The following NBAS variants were observed in gnomAD, a reference collection of about 807,000 sequenced individuals.
NBAS encodes the protein NAG/BC035112 fusion.
In NBAS, 219 loss-of-function variants were observed where a neutral mutation model predicts 302.5. The observed-to-expected ratio is 0.72, with a 90% CI of 0.65 to 0.81. The LOEUF (loss-of-function observed/expected upper bound fraction) is 0.81. NBAS is among the 30% of genes least tolerant of loss of function. The probability of loss-of-function intolerance (pLI) is 0.00; values close to 1 mark genes in which losing one functional copy is unlikely to be tolerated. For missense variants in NBAS, 2,932 were observed against 2,841.6 expected (o/e 1.03, Z -0.72); for synonymous variants, 1,118 against 1,021.6 (o/e 1.09, Z -1.80).
At chr2:14,951,681 G>A in the NBAS span, among the ~76,000 whole-genome samples, 1 of 152,158 alleles carries the variant, frequency 6.6e-6, no homozygotes, top group African/African-American at 2.4e-5. Flanking sequence ...AATACTGCCT[G>A]TACTTTAGAC....
intron 30 of NBAS, among the ~76,000 whole-genome samples, chr2:15,379,196 C>CTCT (rs1674903607): frequency 6.8e-6 from 1 of 146,364 alleles, no homozygotes; most frequent in Non-Finnish European, 1.5e-5. Flanking sequence ...GTCTCTCTCT[C>CTCT]TTTTTTTTTT....
intron 23 of NBAS, among the ~76,000 whole-genome samples, chr2:15,421,793 C>T (rs1177577100): frequency 1.3e-5 from 2 of 152,144 alleles, no homozygotes; most frequent in East Asian, 3.9e-4. Context: ...ATTAAAGTTT[C>T]AGAAAGCTCT....
intron 1 of NBAS, among the ~76,000 whole-genome samples, chr2:15,560,502 G>C (rs1009696966): frequency 6.6e-6 from 1 of 152,014 alleles, no homozygotes; most frequent in Admixed American, 6.6e-5. Context: ...ACGTTTACGG[G>C]ACTGTCTCCC....
chr2:15,028,273 G>A, the NBAS span, among the ~76,000 whole-genome samples: 1 of 152,188 alleles, frequency 6.6e-6, no homozygotes, highest in African/African-American at 2.4e-5. Flanking sequence ...GTCTGGGTAA[G>A]TTAGTGGAAA....
At chr2:15,257,680 TG>T (rs1454640767) in intron 44 of NBAS, among the ~76,000 whole-genome samples, 1 of 152,142 alleles carries the variant, frequency 6.6e-6, no homozygotes, top group Non-Finnish European at 1.5e-5. Context: ...GGCCCAATGC[TG>T]TGCTTTCAAC....
intron 17 of NBAS, 66 bp downstream of exon 17, chr2:15,468,316 A>G (rs1679811739): frequency 1.9e-6 from 3 of 1,572,430 alleles, no homozygotes; most frequent in Non-Finnish European, 1.8e-6. Context: ...ACCCAGTCCA[A>G]TGTCTCAGTA....
At chr2:15,366,257 C>T (rs922305673) in intron 32 of NBAS, among the ~76,000 whole-genome samples, 2 of 152,192 alleles carry the variant, frequency 1.3e-5, no homozygotes, top group African/African-American at 4.8e-5. Flanking sequence ...CTCCTGACTA[C>T]ACAACCATTT....
chr2:15,458,397 G>A (rs897243187), intron 21 of NBAS, among the ~76,000 whole-genome samples: 15 of 152,144 alleles, frequency 9.9e-5, no homozygotes, highest in African/African-American at 3.4e-4. Flanking sequence ...GTTTGGGTGG[G>A]GACAACTGGA....
In NBAS at chr2:15,494,442, G is replaced by A. The variant is rs150985382; in HGVS notation, c.955-5420C>T. The stretch of plus-strand genomic sequence containing the variant: ...CATATAACTCAACTTTCTAAATATA[G>A]AAGTTAGTATGAAGATTGGATTCTA... On this transcript the variant is annotated intron_variant, in intron 11 of 51. Coordinates refer to ENST00000281513, the MANE Select transcript of NBAS (RefSeq NM_015909.4). Among the ~76,000 whole-genome samples, 964 of 152,260 alleles carry A rather than the reference G, an allele frequency of 6.3e-3. 9 individuals carry two copies. Among genetic ancestry groups the A allele is most frequent in the African/African-American group, 0.022 (907 of 41,542 alleles).
the NBAS span, among the ~76,000 whole-genome samples, chr2:14,848,231 A>T: frequency 2.0e-5 from 3 of 149,614 alleles, no homozygotes; most frequent in African/African-American, 5.1e-5. Flanking sequence ...GCACCATGCG[A>T]GAGCCGAAGC....
At chr2:15,486,155 T>C (rs1402915169) in intron 12 of NBAS, among the ~76,000 whole-genome samples, 6 of 152,120 alleles carry the variant, frequency 3.9e-5, no homozygotes, top group South Asian at 2.1e-4. Context: ...TCAGTAACTA[T>C]AGCTAAGCCA....
the NBAS span, among the ~76,000 whole-genome samples, chr2:14,815,164 G>A: frequency 1.3e-5 from 2 of 152,086 alleles, no homozygotes; most frequent in Non-Finnish European, 2.9e-5. Context: ...GTTCTTTATA[G>A]CAGTTTGAGA....
chr2:15,077,260 T>A, the NBAS span, among the ~76,000 whole-genome samples: 3 of 152,180 alleles, frequency 2.0e-5, no homozygotes, highest in Admixed American at 2.0e-4. Context: ...ACTCACTCAC[T>A]ATCACAAGAA....
intron 50 of NBAS, among the ~76,000 whole-genome samples, chr2:15,181,411 T>C (rs935857117): frequency 3.3e-5 from 5 of 152,196 alleles, no homozygotes; most frequent in Admixed American, 1.3e-4. Flanking sequence ...TACCAGTGAT[T>C]GGCCAAATAC....
intron 6 of NBAS, among the ~76,000 whole-genome samples, chr2:15,548,834 A>T (rs1216257177): frequency 6.6e-6 from 1 of 152,184 alleles, no homozygotes; most frequent in East Asian, 1.9e-4. Flanking sequence ...AGCTTCCGAG[A>T]AAAGGAACCA....
chr2:15,084,040 CTT>C, the NBAS span, among the ~76,000 whole-genome samples: 1 of 146,114 alleles, frequency 6.8e-6, no homozygotes, highest in Non-Finnish European at 1.5e-5. Flanking sequence ...TGAACAATTG[CTT>C]TTTTTTTTTC....
the NBAS span, among the ~76,000 whole-genome samples, chr2:14,868,262 C>A: frequency 6.6e-6 from 1 of 152,124 alleles, no homozygotes; most frequent in Non-Finnish European, 1.5e-5. Flanking sequence ...TCTATATAGG[C>A]AGGAATCCAT....
intron 32 of NBAS, among the ~76,000 whole-genome samples, chr2:15,358,139 C>T (rs930830827): frequency 6.6e-6 from 1 of 152,120 alleles, no homozygotes; most frequent in African/African-American, 2.4e-5. Context: ...CAAATAACAC[C>T]GACCTGCATA....
intron 38 of NBAS, among the ~76,000 whole-genome samples, chr2:15,323,406 T>C (rs984472979): frequency 1.3e-5 from 2 of 152,182 alleles, no homozygotes; most frequent in Non-Finnish European, 2.9e-5. Context: ...CACAGGGAGC[T>C]TTCTCTGTGC....
Sources: allele counts gnomAD v4.1 joint callset (sites outside exome capture counted in the v4.1 genomes callset), GRCh38; gene constraint gnomAD v4.1.1; transcripts MANE v1.5; gene names NCBI Gene and HGNC (gene_info 2026-07-23, HGNC 2026-07-21).